The following SORD variants were observed in gnomAD, a reference collection of about 807,000 sequenced individuals.
The protein encoded by SORD is (R,R)-butanediol dehydrogenase.
Under a neutral mutation model 35.6 loss-of-function variants are expected in SORD, and 18 were observed. That is an observed-to-expected ratio of 0.51 (90% CI 0.35 to 0.75). SORD has a LOEUF of 0.75. SORD is among the 30% of genes least tolerant of loss of function. The pLI is 0.01. For synonymous variants in SORD, 106 were observed against 152.9 expected, an observed-to-expected ratio of 0.69 and a Z score of 2.26; for missense variants, 250 against 390.2, an observed-to-expected ratio of 0.64 and a Z score of 3.03.
At position 45,054,114 on chromosome 15, in the gene SORD, T is replaced by G. The variant is rs535191343; in HGVS notation, c.266-6953T>G. On this transcript the variant is annotated intron_variant, in intron 3 of 8. Coordinates refer to ENST00000267814, the MANE Select transcript of SORD (RefSeq NM_003104.6). Reference sequence around the variant, plus strand: ...GTGCTGCAATAAACATACGTGTGCATGTCTCTTTATAGCAGCATGATTTAT... The same window carrying G: ...GTGCTGCAATAAACATACGTGTGCAGGTCTCTTTATAGCAGCATGATTTAT... Among the ~76,000 whole-genome samples, 28 of 152,084 alleles carry G rather than the reference T, an allele frequency of 1.8e-4. No homozygotes were observed. The East Asian group carries it at 5.0e-3, about 27-fold the overall frequency.
intron 1 of SORD, among the ~76,000 whole-genome samples, chr15:45,038,244 C>A (rs765693010): frequency 6.6e-6 from 1 of 151,636 alleles, no homozygotes; most frequent in Non-Finnish European, 1.5e-5. Flanking sequence ...TCCCTTAAGC[C>A]CTTTTGCCCC....
At chr15:45,029,754 G>A (rs185665526) in intron 1 of SORD, among the ~76,000 whole-genome samples, 4 of 152,380 alleles carry the variant, frequency 2.6e-5, no homozygotes, top group Admixed American at 2.6e-4. Flanking sequence ...GGATGGTGAA[G>A]GTGGAGAATT....
chr15:45,049,073 T>A (rs112816059), intron 3 of SORD, among the ~76,000 whole-genome samples: 2,422 of 152,292 alleles, frequency 0.016, 18 homozygotes, highest in Middle Eastern at 0.031. Flanking sequence ...GGAAACTTTT[T>A]CCTGGGAGCC....
chr15:45,025,852 T>C (rs2141260628), intron 1 of SORD, among the ~76,000 whole-genome samples: 1 of 152,336 alleles, frequency 6.6e-6, no homozygotes, highest in East Asian at 1.9e-4. Context: ...GGAGCACTAC[T>C]GCGGACTTTA....
chr15:45,056,737 G>C (rs1434701032), intron 3 of SORD, among the ~76,000 whole-genome samples: 1 of 152,196 alleles, frequency 6.6e-6, no homozygotes, highest in East Asian at 1.9e-4. Context: ...TAGTACTTTT[G>C]GTACATTGTG....
At chr15:45,036,232 T>G in intron 1 of SORD, 1 of 426,108 alleles carries the variant, frequency 2.3e-6, no homozygotes, top group South Asian at 1.7e-5. Context: ...ATTGTTGAAG[T>G]CAGTGAGACC....
chr15:45,046,062 A>G (rs1893042015), intron 3 of SORD, among the ~76,000 whole-genome samples: 1 of 151,972 alleles, frequency 6.6e-6, no homozygotes, highest in South Asian at 2.1e-4. Context: ...TCATGTTATC[A>G]TAATATAATC....
intron 3 of SORD, among the ~76,000 whole-genome samples, chr15:45,055,555 A>G (rs904463879): frequency 3.8e-4 from 58 of 152,228 alleles, no homozygotes; most frequent in Non-Finnish European, 1.8e-4. Context: ...GAATTCTACC[A>G]GAGGTACAAG....
intron 1 of SORD, among the ~76,000 whole-genome samples, chr15:45,028,951 G>A (rs1406095324): frequency 6.6e-6 from 1 of 152,228 alleles, no homozygotes; most frequent in East Asian, 1.9e-4. Context: ...CTGTTTCTCT[G>A]AGCCAGCTGC....
At chr15:45,052,877 G>T (rs1893149572) in intron 3 of SORD, among the ~76,000 whole-genome samples, 1 of 152,166 alleles carries the variant, frequency 6.6e-6, no homozygotes, top group African/African-American at 2.4e-5. Flanking sequence ...ACTGAGCAAG[G>T]AGCTGAATTA....
At chr15:45,031,047 C>T (rs3784574) in intron 1 of SORD, among the ~76,000 whole-genome samples, 1 of 88,528 alleles carries the variant, frequency 1.1e-5, no homozygotes, top group African/African-American at 2.1e-4. Flanking sequence ...GAGGTCGGGG[C>T]AGCCATGGTG....
In SORD at chr15:45,059,669, A is replaced by T. The variant is rs138626252; in HGVS notation, c.266-1398A>T. Among the ~76,000 whole-genome samples the T allele has an allele frequency of 6.7e-3, 1,023 of 152,110 alleles. 10 individuals are homozygous for T. Among genetic ancestry groups the T allele is most frequent in the Non-Finnish European group, 9.3e-3 (631 of 67,980 alleles). On this transcript the variant is annotated intron_variant, in intron 3 of 8. Transcript: ENST00000267814. ...CCACCATGCTCAGCTAATTAAAAAA[A>T]TTTTTTTTGTAAAGATGAGGTCTTC...
chr15:45,029,439 G>A (rs906773810), intron 1 of SORD, among the ~76,000 whole-genome samples: 1 of 152,090 alleles, frequency 6.6e-6, no homozygotes, highest in Non-Finnish European at 1.5e-5. Flanking sequence ...GTGAGTGCGG[G>A]ATCCAGCCAG....
chr15:45,063,068 G>A (rs1226982465), intron 4 of SORD, among the ~76,000 whole-genome samples: 1 of 145,950 alleles, frequency 6.9e-6, no homozygotes, highest in Admixed American at 6.7e-5. Context: ...GAATGATGGG[G>A]CTCTGGCTGG....
intron 1 of SORD, among the ~76,000 whole-genome samples, chr15:45,028,663 T>C (rs367903892): frequency 0.21 from 31,183 of 150,718 alleles, no homozygotes; most frequent in African/African-American, 0.44. Flanking sequence ...AAAATTAATA[T>C]ATTGGCATCA....
intron 3 of SORD, among the ~76,000 whole-genome samples, chr15:45,059,280 G>A (rs1425920019): frequency 6.6e-6 from 1 of 151,898 alleles, no homozygotes; most frequent in Non-Finnish European, 1.5e-5. Context: ...ACAGTGAGCT[G>A]TGATTGCATC....
intron 1 of SORD, among the ~76,000 whole-genome samples, chr15:45,028,332 A>T (rs191680327): frequency 6.6e-6 from 1 of 152,366 alleles, no homozygotes; most frequent in Non-Finnish European, 1.5e-5. Context: ...ATCTCAAAAC[A>T]AAAACAAACA....
chr15:45,047,992 T>C (rs984570691), intron 3 of SORD, among the ~76,000 whole-genome samples: 3 of 152,262 alleles, frequency 2.0e-5, no homozygotes, highest in Non-Finnish European at 2.9e-5. Context: ...ATCTGCTTTC[T>C]ATTTTCTGCA....
intron 1 of SORD, among the ~76,000 whole-genome samples, chr15:45,031,639 T>C (rs1184410411): frequency 6.6e-6 from 1 of 152,278 alleles, no homozygotes; most frequent in Non-Finnish European, 1.5e-5. Context: ...AAATTAATTT[T>C]GGTGACAGGG....
Sources: gnomAD v4.1 joint callset for allele counts (sites outside exome capture counted in the v4.1 genomes callset) on GRCh38, gnomAD v4.1.1 for gene constraint, MANE v1.5 for transcripts, NCBI Gene and HGNC (gene_info 2026-07-23, HGNC 2026-07-21) for gene names.